Variants in ASTN1 observed in about 807,000 individuals in gnomAD.
ASTN1 encodes the protein astrotactin-1.
ASTN1 carries 41 observed loss-of-function variants against 140.7 expected under a neutral mutation model. The observed-to-expected ratio is 0.29, with a 90% CI of 0.23 to 0.38. The LOEUF is 0.38. ASTN1 is among the 10% of genes least tolerant of loss of function. The probability of loss-of-function intolerance (pLI) is 1.00; values close to 1 mark genes in which losing one functional copy is unlikely to be tolerated. For synonymous variants in ASTN1, 640 were observed against 652.2 expected (o/e 0.98, Z 0.29); for missense variants, 1,479 against 1,678.8 (o/e 0.88, Z 2.08).
At chr1:176,984,789 G>A (rs980826803) in intron 8 of ASTN1, among the ~76,000 whole-genome samples, 1 of 152,120 alleles carries the variant, frequency 6.6e-6, no homozygotes, top group African/African-American at 2.4e-5. Context: ...TTATTAGCAT[G>A]TCCTCCCTTC....
rs142852273 is a variant in ASTN1, at chr1:176,993,598, G to A, written c.1523+21193C>T. Among the ~76,000 whole-genome samples, 4 of 152,178 alleles carry A rather than the reference G, an allele frequency of 2.6e-5. No individual in the cohort carries two copies. In the East Asian group the frequency reaches 5.8e-4, roughly 22 times the overall value. ...TATAAAGTCTAGCTGCATTCATCTC[G>A]CTAATAGACACTTGAGTCACCTAAT... On this transcript the variant is annotated intron_variant, in intron 8 of 22. Coordinates refer to ENST00000361833, the MANE Select transcript of ASTN1 (RefSeq NM_004319.3).
intron 1 of ASTN1, among the ~76,000 whole-genome samples, chr1:177,142,029 A>G (rs1682494605): frequency 6.6e-6 from 1 of 152,216 alleles, no homozygotes; most frequent in Non-Finnish European, 1.5e-5. Flanking sequence ...CCCTTCATGC[A>G]TCCAGGGGGT....
rs186087826 is a variant in ASTN1, at chr1:176,989,714, G to A, written c.1524-24477C>T. On this transcript the variant is annotated intron_variant, in intron 8 of 22. Transcript: ENST00000361833. ...AAAAGAAGGGGTCCGGCAGGGCCATGACATTTTGCTGATAATGGACGAATA... is the reference window on the plus strand; with the variant it reads ...AAAAGAAGGGGTCCGGCAGGGCCATAACATTTTGCTGATAATGGACGAATA... 2.4e-3 allele frequency among the ~76,000 whole-genome samples: 372 copies of A among 152,296 alleles called. 1 individual carries two copies. The highest frequency in any genetic ancestry group is 0.01 in the Middle Eastern group (3 of 294).
At chr1:176,976,308 C>T (rs1673361210) in intron 8 of ASTN1, 1 of 152,218 alleles carries the variant, frequency 6.6e-6, no homozygotes. Context: ...ACACACATGT[C>T]ACAGCTGCAG....
chr1:177,043,898 C>T (rs979375346), intron 2 of ASTN1, among the ~76,000 whole-genome samples: 21 of 152,060 alleles, frequency 1.4e-4, no homozygotes, highest in East Asian at 9.7e-4. Flanking sequence ...GGCCCCACAC[C>T]GAGTGCTGTG....
At chr1:176,942,846 A>ATG (rs1202200746) in intron 14 of ASTN1, among the ~76,000 whole-genome samples, 2 of 80,332 alleles carry the variant, frequency 2.5e-5, no homozygotes, top group Non-Finnish European at 5.4e-5. Context: ...GTATATATAT[A>ATG]TATATATATA....
intron 16 of ASTN1, among the ~76,000 whole-genome samples, chr1:176,904,103 C>T (rs897166220): frequency 1.3e-5 from 2 of 152,150 alleles, no homozygotes; most frequent in African/African-American, 2.4e-5. Context: ...TCTGAGGTTC[C>T]GGGCAGGCAT....
intron 8 of ASTN1, among the ~76,000 whole-genome samples, chr1:177,005,501 C>T (rs1020658114): frequency 6.6e-6 from 1 of 152,124 alleles, no homozygotes; most frequent in Non-Finnish European, 1.5e-5. Context: ...AAACTAGTCA[C>T]TATATCAAAA....
At chr1:177,121,152 G>T (rs1339432503) in intron 1 of ASTN1, among the ~76,000 whole-genome samples, 1 of 151,950 alleles carries the variant, frequency 6.6e-6, no homozygotes, top group African/African-American at 2.4e-5. Context: ...AAAGGTTTTG[G>T]GTTTCAATAG....
At chr1:176,881,383 G>A (rs1447386229) in intron 20 of ASTN1, among the ~76,000 whole-genome samples, 2 of 152,196 alleles carry the variant, frequency 1.3e-5, no homozygotes, top group Admixed American at 1.3e-4. Flanking sequence ...GGGTCGCAGT[G>A]TGGGTAATGG....
chr1:177,150,043 G>A (rs1334687552), intron 1 of ASTN1, among the ~76,000 whole-genome samples: 1 of 151,718 alleles, frequency 6.6e-6, no homozygotes, highest in African/African-American at 2.4e-5. Flanking sequence ...TTGGAAATTG[G>A]AGGCAAGAAA....
intron 16 of ASTN1, among the ~76,000 whole-genome samples, chr1:176,903,277 TTCTC>T (rs138995649): frequency 3.3e-5 from 5 of 150,336 alleles, no homozygotes; most frequent in African/African-American, 9.7e-5. Context: ...AAGTGTTTCC[TTCTC>T]TCTCTCTCTC....
chr1:177,077,751 C>T lies in ASTN1; in HGVS notation c.284-16486G>A, dbSNP rs899158190. ...AATCTTGGTGACTGTCAACTGCCCT[C>T]TCTGGGGTAAGCTGCCTCCTCCTTT... On this transcript the variant is annotated intron_variant, in intron 1 of 22. Coordinates refer to ENST00000361833, the MANE Select transcript of ASTN1 (RefSeq NM_004319.3). Among the ~76,000 whole-genome samples the T allele has an allele frequency of 9.2e-5, 14 of 152,288 alleles. No individual in the cohort carries two copies. In the South Asian group the frequency reaches 2.9e-3, roughly 32 times the overall value.
At chr1:176,968,411 C>T (rs1185383161) in intron 8 of ASTN1, among the ~76,000 whole-genome samples, 2 of 152,220 alleles carry the variant, frequency 1.3e-5, no homozygotes, top group Non-Finnish European at 2.9e-5. Flanking sequence ...TTATAGATGT[C>T]TTCACATAGG....
intron 5 of ASTN1, among the ~76,000 whole-genome samples, chr1:177,025,512 T>C (rs1193636656): frequency 6.6e-6 from 1 of 151,990 alleles, no homozygotes; most frequent in Non-Finnish European, 1.5e-5. Flanking sequence ...GAAATGCCAT[T>C]AAGCAGGGGA....
intron 17 of ASTN1, 146 bp downstream of exon 17, chr1:176,894,416 T>A: frequency 9.4e-7 from 1 of 1,069,328 alleles, no homozygotes; most frequent in Non-Finnish European, 1.3e-6. Context: ...TTAAACAAAT[T>A]AGGTGCCCAG....
chr1:177,021,075 G>A (rs1019450646), intron 7 of ASTN1, among the ~76,000 whole-genome samples: 1 of 152,192 alleles, frequency 6.6e-6, no homozygotes, highest in African/African-American at 2.4e-5. Context: ...GAGTGTGGGA[G>A]GCGATAAAGT....
At chr1:177,139,889 T>C (rs373404870) in intron 1 of ASTN1, among the ~76,000 whole-genome samples, 1 of 152,182 alleles carries the variant, frequency 6.6e-6, no homozygotes, top group African/African-American at 2.4e-5. Flanking sequence ...ATTTTTATCA[T>C]CTACAAAATC....
intron 8 of ASTN1, among the ~76,000 whole-genome samples, chr1:177,004,263 G>T (rs529017171): frequency 6.6e-6 from 1 of 151,724 alleles, no homozygotes; most frequent in African/African-American, 2.4e-5. Flanking sequence ...CTTAACCAAG[G>T]AGGTGAAAGA....
Sources: allele counts gnomAD v4.1 joint callset (sites outside exome capture counted in the v4.1 genomes callset), GRCh38; gene constraint gnomAD v4.1.1; transcripts MANE v1.5; gene names NCBI Gene and HGNC (gene_info 2026-07-23, HGNC 2026-07-21).